TCIRG1: variants seen among roughly 807,000 people sequenced by gnomAD.
TCIRG1 encodes the protein V-type proton ATPase 116 kDa subunit a 3.
In TCIRG1, 86 loss-of-function variants were observed where a neutral mutation model predicts 95.5. The observed-to-expected ratio is 0.90, with a 90% CI of 0.76 to 1.08. TCIRG1 has a LOEUF of 1.08. Among genes scored for constraint, TCIRG1 ranks in the 50% least tolerant of loss-of-function variants. The pLI is 0.00. For missense variants in TCIRG1, 1,069 were observed against 1,140.2 expected (o/e 0.94, Z 0.90); for synonymous variants, 499 against 501.3 (o/e 1.00, Z 0.06).
intron 10 of TCIRG1, among the ~76,000 whole-genome samples, chr11:68,046,461 A>G (rs924260866): frequency 6.6e-6 from 1 of 152,086 alleles, no homozygotes; most frequent in African/African-American, 2.4e-5. Flanking sequence ...TCATCTTCAC[A>G]CACTGTTCTC....
At position 68,050,614 on chromosome 11, in the gene TCIRG1, G is replaced by A. The variant is rs915709962; in HGVS notation, c.2364G>A (p.Leu788=). The A allele has an allele frequency of 1.2e-6, 2 of 1,613,226 alleles. No individual in the cohort carries two copies. Among genetic ancestry groups the A allele is most frequent in the Non-Finnish European group, 8.5e-7 (1 of 1,179,946 alleles). The part of the protein sequence containing the change: ...AAFAVMTVAI[L]LVMEGLSAFL... ...TTGCCGTGATGACCGTGGCTATCCT[G>A]CTGGTGATGGAGGGACTCTCAGCCT... The change falls in exon 19 of 20, where the codon CTG becomes CTA. Residue 788 remains leucine (L), a synonymous_variant. Coordinates refer to ENST00000265686, the MANE Select transcript of TCIRG1 (RefSeq NM_006019.4).
At chr11:68,041,222 G>A (rs753005260) in intron 1 of TCIRG1, 46 bp from the exon 2 acceptor site, 2 of 1,331,588 alleles carry the variant, frequency 1.5e-6, no homozygotes, top group Admixed American at 1.7e-5. Flanking sequence ...GTTGGGAACT[G>A]TCTGTGGTCT....
In TCIRG1 at chr11:68,048,181, A is replaced by G. The variant is rs138861195; in HGVS notation, c.1554+209A>G. 1.2e-3 allele frequency: 797 copies of G among 641,120 alleles called. 3 individuals carry two copies. In the African/African-American group the frequency reaches 0.013, roughly 10 times the overall value. 39.7% of individuals were successfully genotyped at this position (641,120 alleles called of 1,614,324 possible). ...GTGCGGAGGCAAAGCGAGACCAGCC[A>G]GGAACCAGTCTCCTGAGTGTGCAGA... On this transcript the variant is annotated intron_variant, in intron 13 of 19. Transcript: ENST00000265686.
At chr11:68,048,237 G>A in intron 13 of TCIRG1, 3 of 583,840 alleles carry the variant, frequency 5.1e-6, no homozygotes, top group South Asian at 3.8e-5. Flanking sequence ...GAACCAGCCT[G>A]CAGCTTGCAC....
At chr11:68,044,790 C>A (rs2853037) in intron 9 of TCIRG1, 168 bp from the exon 10 acceptor site, 3 of 827,902 alleles carry the variant, frequency 3.6e-6, no homozygotes, top group Non-Finnish European at 5.7e-6. Context: ...TGTCTTTGGG[C>A]CCCCACCAGG....
Position 68,041,219 on chromosome 11 carries a change from A to G in TCIRG1, c.-4-49A>G. ...GGTGCACAGGTGCCCGTGGTTGGGA[A>G]CTGTCTGTGGTCTGCCCCTGACTGG... On this transcript the variant is annotated intron_variant, in intron 1 of 19. Coordinates refer to ENST00000265686, the MANE Select transcript of TCIRG1 (RefSeq NM_006019.4). 6 of 1,279,878 alleles carry G rather than the reference A, an allele frequency of 4.7e-6. No individual in the cohort carries two copies. In the South Asian group the frequency reaches 7.1e-5, roughly 15 times the overall value. 79.3% of individuals were successfully genotyped at this position (1,279,878 alleles called of 1,614,324 possible).
chr11:68,043,003 G>C lies in TCIRG1; in HGVS notation c.475G>C (p.Gly159Arg), dbSNP rs573845313. 17 of 1,552,192 alleles carry C rather than the reference G, an allele frequency of 1.1e-5. No homozygotes were observed. The highest frequency in any genetic ancestry group is 7.1e-5 in the South Asian group (6 of 84,286). Reference sequence around the variant, plus strand: ...GAGGACGCCCCTGCTCCAGGCCCCCGGGGGGCCGCACCAGGACCTGAGGGT... The same window carrying C: ...GAGGACGCCCCTGCTCCAGGCCCCCCGGGGGCCGCACCAGGACCTGAGGGT... ...SERTPLLQAP[G>R]GPHQDLRVNF... is the part of the protein sequence containing the mutation. Residue 159 changes from glycine to arginine, a missense_variant, in exon 5 of 20, where the codon GGG becomes CGG. Physicochemically the swap from Gly to Arg is moderately radical, Grantham distance 125. Coordinates refer to ENST00000265686, the MANE Select transcript of TCIRG1 (RefSeq NM_006019.4).
chr11:68,044,570 T>C (rs866879026), intron 9 of TCIRG1, among the ~76,000 whole-genome samples: 3 of 152,108 alleles, frequency 2.0e-5, no homozygotes, highest in Non-Finnish European at 2.9e-5. Flanking sequence ...CTGCACAGGA[T>C]AGTTTTAAAG....
At position 68,044,961 on chromosome 11, in the gene TCIRG1, G is replaced by T. The variant is rs1159666762; in HGVS notation, c.1024G>T (p.Glu342Ter). 1.2e-6 allele frequency: 2 copies of T among 1,607,732 alleles called. No individual in the cohort carries two copies. The highest frequency in any genetic ancestry group is 1.7e-6 in the Non-Finnish European group (2 of 1,179,966). Residue 342 changes from glutamate (E) to a stop codon, truncating the protein, a stop_gained, in exon 10 of 20, where the codon GAG becomes TAG. Coordinates refer to ENST00000265686, the MANE Select transcript of TCIRG1 (RefSeq NM_006019.4). LOFTEE classifies it high-confidence loss of function. Reference protein sequence around the residue: ...LQEALRDSSMEEGVSAVAHRI... With the variant: ...LQEALRDSSM ...CTGTCTCTGCCCTGGCACCCAGATG[G>T]AGGAGGGAGTGAGTGCCGTGGCTCA... is the stretch of plus-strand genomic sequence containing the variant.
chr11:68,050,281 GC>G, intron 18 of TCIRG1, 27 bp downstream of exon 18: 1 of 1,607,496 alleles, frequency 6.2e-7, no homozygotes. Context: ...CCGACGGCTG[GC>G]CCCAGCTCCT....
intron 9 of TCIRG1, 21 bp downstream of exon 9, chr11:68,044,365 C>T (rs1466417890): frequency 5.4e-5 from 83 of 1,534,182 alleles, no homozygotes; most frequent in Non-Finnish European, 6.9e-5. Context: ...TGAGGCCTCG[C>T]CCCCTCTCCG....
At position 68,050,176 on chromosome 11, in the gene TCIRG1, A is replaced by C; in HGVS notation, c.2158A>C (p.Thr720Pro). 6.2e-7 allele frequency: 1 copy of C among 1,613,532 alleles called. No individual in the cohort carries two copies. Among genetic ancestry groups the C allele is most frequent in the Non-Finnish European group, 8.5e-7 (1 of 1,179,898 alleles). ...SEVLMHQAIH[T>P]IEFCLGCVSN... Reference sequence around the variant, plus strand: ...GGTGCTCATGCACCAGGCCATCCACACCATCGAGTTCTGCCTGGGCTGCGT... The same window carrying C: ...GGTGCTCATGCACCAGGCCATCCACCCCATCGAGTTCTGCCTGGGCTGCGT... The change falls in exon 18 of 20, where the codon ACC becomes CCC. Residue 720 changes from threonine to proline, a missense_variant. Coordinates refer to ENST00000265686, the MANE Select transcript of TCIRG1 (RefSeq NM_006019.4).
chr11:68,050,443 G>C (rs780188641), intron 18 of TCIRG1, 44 bp from the exon 19 acceptor site: 1 of 1,611,378 alleles, frequency 6.2e-7, no homozygotes, highest in East Asian at 2.2e-5. Context: ...GGGGCTGGCA[G>C]GCACCCACTT....
At position 68,047,003 on chromosome 11, in the gene TCIRG1, GTTC is replaced by G. The variant is rs1328228234; in HGVS notation, c.1166-427_1166-425del. The G allele has an allele frequency of 6.6e-5, 20 of 304,400 alleles. No individual in the cohort carries two copies. The African/African-American group carries it at 7.4e-4, about 11-fold the overall frequency. 18.9% of individuals were successfully genotyped at this position (304,400 alleles called of 1,614,324 possible). A position where few individuals can be genotyped will look rare whatever the true frequency, so the allele number is the denominator to read the frequency against. Reference sequence around the variant, plus strand: ...AGGTCACACAGCTCCTAAGTGGTGGGTTCTTTTTTTTTTTTTTTTTTTCGGAGA... The same window carrying G: ...AGGTCACACAGCTCCTAAGTGGTGGGTTTTTTTTTTTTTTTTTTTCGGAGA... On this transcript the variant is annotated intron_variant, in intron 10 of 19. Coordinates refer to ENST00000265686, the MANE Select transcript of TCIRG1 (RefSeq NM_006019.4).
chr11:68,042,745 A>T lies in TCIRG1; in HGVS notation c.299A>T (p.Glu100Val), dbSNP rs993860020. The T allele has an allele frequency of 3.2e-6, 5 of 1,547,130 alleles. No individual in the cohort carries two copies. The highest frequency in any genetic ancestry group is 3.5e-6 in the Non-Finnish European group (4 of 1,146,352). ...CGGGACCTGCTGCGCATCCAGGAGG[A>T]GACGGAGCGCCTGGCCCAGGAGCTG... ...PPRDLLRIQE[E>V]TERLAQELRD... Residue 100 changes from glutamate (E) to valine (V), a missense_variant, in exon 4 of 20, where the codon GAG (glutamate) becomes GTG (valine). Glu to Val is a moderately radical substitution (Grantham distance 121, BLOSUM62 -2). Coordinates refer to ENST00000265686, the MANE Select transcript of TCIRG1 (RefSeq NM_006019.4).
In TCIRG1 at chr11:68,049,171, C is replaced by T. The variant is rs780133573; in HGVS notation, c.1764C>T (p.Val588=). 1.9e-6 allele frequency: 3 copies of T among 1,614,030 alleles called. No homozygotes were observed. Among genetic ancestry groups the T allele is most frequent in the East Asian group, 2.2e-5 (1 of 44,880 alleles). Residue 588 remains valine (V), a synonymous_variant, in exon 15 of 20, where the codon GTC becomes GTT. Coordinates refer to ENST00000265686, the MANE Select transcript of TCIRG1 (RefSeq NM_006019.4). ...TCTTCGGTTACCTCGTGTTCCTAGT[C>T]ATCTACAAGTGGCTGTGTGTCTGGG... The part of the protein sequence containing the change: ...LGLFGYLVFL[V]IYKWLCVWAA...
chr11:68,050,465 C>T (rs1178681737), intron 18 of TCIRG1, 22 bp from the exon 19 acceptor site: 24 of 1,612,282 alleles, frequency 1.5e-5, no homozygotes, highest in Non-Finnish European at 2.0e-5. Context: ...CCGTTGGCCC[C>T]CACTGTCTCC....
At chr11:68,043,170 C>T in intron 5 of TCIRG1, 139 bp downstream of exon 5, 1 of 1,519,438 alleles carries the variant, frequency 6.6e-7, no homozygotes, top group Non-Finnish European at 8.8e-7. Flanking sequence ...AGGCCCGGAA[C>T]TTCCCACAGT....
Position 68,049,195 on chromosome 11 carries a change from GGCT to G in TCIRG1, c.1791_1793del (p.Ala598del). On this transcript the variant is annotated inframe_deletion, in exon 15 of 20. Transcript: ENST00000265686. ...TCATCTACAAGTGGCTGTGTGTCTG[GGCT>G]GCCAGGGCCGCCTCGGCCCCCAGCA... 6.2e-7 allele frequency: 1 copy of G among 1,613,890 alleles called. No individual in the cohort carries two copies. Among genetic ancestry groups the G allele is most frequent in the Non-Finnish European group, 8.5e-7 (1 of 1,179,994 alleles).
Sources: allele counts gnomAD v4.1 joint callset (sites outside exome capture counted in the v4.1 genomes callset), GRCh38; gene constraint gnomAD v4.1.1; transcripts MANE v1.5; gene names NCBI Gene and HGNC (gene_info 2026-07-23, HGNC 2026-07-21).